C11orf54: variants seen among roughly 807,000 people sequenced by gnomAD.
C11orf54 encodes beta-keto L-gulonate decarboxylase.
In C11orf54, 29 loss-of-function variants were observed where a neutral mutation model predicts 35.5. The ratio of observed to expected loss-of-function variants is 0.82; its 90% CI spans 0.61 to 1.11. C11orf54 has a LOEUF of 1.11. Among genes scored for constraint, C11orf54 ranks in the 50% most tolerant of loss-of-function variants. The probability of loss-of-function intolerance (pLI) is 0.00; values close to 1 mark genes in which losing one functional copy is unlikely to be tolerated. For synonymous variants in C11orf54, 108 were observed against 121.1 expected, an observed-to-expected ratio of 0.89 and a Z score of 0.71; for missense variants, 373 against 369.2, an observed-to-expected ratio of 1.01 and a Z score of -0.08.
At chr11:93,742,905 C>A (rs1481006938) in intron 1 of C11orf54, 1 of 151,928 alleles carries the variant, frequency 6.6e-6, no homozygotes, top group Non-Finnish European at 1.5e-5. Flanking sequence ...GTCCCTTGTT[C>A]AAAAAGAAGG....
rs76565010 is a variant in C11orf54, at chr11:93,749,466, G to A, written c.56-880G>A. ...CATACCACTGCACTCCAGTCTGGGC[G>A]ACAGGGTAGGTAAGGCTATCAGAGT... On this transcript the variant is annotated intron_variant, in intron 2 of 8. Coordinates refer to ENST00000354421, the MANE Select transcript of C11orf54 (RefSeq NM_001286069.2). Among the ~76,000 whole-genome samples the A allele has an allele frequency of 2.3e-3, 291 of 125,646 alleles. 7 individuals are homozygous for A. The East Asian group carries it at 0.062, about 27-fold the overall frequency. The allele number at this position is 125,646 out of a possible 152,430, so 82.4% of individuals were successfully genotyped here. A position where few individuals can be genotyped will look rare whatever the true frequency, so the allele number is the denominator to read the frequency against.
intron 6 of C11orf54, 145 bp downstream of exon 6, chr11:93,755,531 A>G (rs568964048): frequency 2.1e-5 from 17 of 812,878 alleles, no homozygotes; most frequent in East Asian, 1.7e-4. Flanking sequence ...CTTGAGGTCA[A>G]CTTGAGGTCA....
intron 5 of C11orf54, among the ~76,000 whole-genome samples, chr11:93,754,523 ACT>A (rs1943025689): frequency 6.6e-6 from 1 of 152,100 alleles, no homozygotes; most frequent in Non-Finnish European, 1.5e-5. Context: ...TGAAAATATT[ACT>A]GTTTCTTTGA....
At chr11:93,754,972 C>G (rs7117456) in intron 5 of C11orf54, 1 of 325,938 alleles carries the variant, frequency 3.1e-6, no homozygotes, top group African/African-American at 2.2e-5. Context: ...CTCTTGACCT[C>G]GTGATCCGCC....
intron 1 of C11orf54, chr11:93,747,085 C>T (rs936113812): frequency 6.4e-5 from 11 of 172,298 alleles, no homozygotes; most frequent in Non-Finnish European, 9.8e-5. Context: ...CAAGACCAGC[C>T]TGGGCAACAT....
intron 7 of C11orf54, among the ~76,000 whole-genome samples, chr11:93,758,539 G>A (rs1791553472): frequency 6.6e-6 from 1 of 152,224 alleles, no homozygotes; most frequent in Admixed American, 6.5e-5. Context: ...GGAAATGCCT[G>A]CTCCCACTGC....
At position 93,761,734 on chromosome 11, in the gene C11orf54, A is replaced by T; in HGVS notation, c.*46A>T. The T allele has an allele frequency of 6.7e-7, 1 of 1,492,162 alleles. No homozygotes were observed. The highest frequency in any genetic ancestry group is 9.0e-7 in the Non-Finnish European group (1 of 1,105,256). 92.4% of individuals were successfully genotyped at this position (1,492,162 alleles called of 1,614,324 possible). On this transcript the variant is annotated 3_prime_UTR_variant, in exon 9 of 9. Coordinates refer to ENST00000354421, the MANE Select transcript of C11orf54 (RefSeq NM_001286069.2). ...AAAAAGAAATAATTAAGGTTAATTA[A>T]TTGATTGACTTATTAATTAATACTG...
In C11orf54 at chr11:93,750,433, T is replaced by G; in HGVS notation, c.143T>G (p.Phe48Cys). ...CPDLTKEPFT[F>C]PVKGICGKTR... Reference sequence around the variant, plus strand: ...GATTTGACTAAGGAACCCTTTACCTTTCCTGTAAAAGGTAAGCAATTTTTG... The same window carrying G: ...GATTTGACTAAGGAACCCTTTACCTGTCCTGTAAAAGGTAAGCAATTTTTG... The change falls in exon 3 of 9, where the codon TTT becomes TGT. Residue 48 changes from phenylalanine (F) to cysteine (C), a missense_variant. Phe to Cys is a radical substitution (Grantham distance 205). Coordinates refer to ENST00000354421, the MANE Select transcript of C11orf54 (RefSeq NM_001286069.2). 2 of 1,613,026 alleles carry G rather than the reference T, an allele frequency of 1.2e-6. No homozygotes were observed. The highest frequency in any genetic ancestry group is 1.7e-6 in the Non-Finnish European group (2 of 1,179,450).
chr11:93,751,571 A>AT (rs1942830902), intron 3 of C11orf54, among the ~76,000 whole-genome samples: 2 of 151,306 alleles, frequency 1.3e-5, no homozygotes, highest in African/African-American at 4.9e-5. Flanking sequence ...CGCCTGGCTA[A>AT]TTTTTTGTAT....
intron 8 of C11orf54, among the ~76,000 whole-genome samples, chr11:93,760,146 C>G (rs11600142): frequency 6.6e-6 from 1 of 152,092 alleles, no homozygotes; most frequent in Non-Finnish European, 1.5e-5. Flanking sequence ...GGTTTCACCA[C>G]GTTGGTCAGG....
intron 2 of C11orf54, among the ~76,000 whole-genome samples, chr11:93,749,048 G>A (rs1231887910): frequency 1.3e-5 from 2 of 151,368 alleles, no homozygotes; most frequent in Admixed American, 1.3e-4. Context: ...GGAGGCTGAG[G>A]CAGGAGAATG....
chr11:93,743,612 G>A (rs1321191086), intron 1 of C11orf54, among the ~76,000 whole-genome samples: 2 of 152,180 alleles, frequency 1.3e-5, no homozygotes, highest in African/African-American at 4.8e-5. Flanking sequence ...CGGTAGGAGC[G>A]AACTCCATGC....
At chr11:93,747,560 T>TTATCTTACG in intron 2 of C11orf54, 112 bp downstream of exon 2, 1 of 595,868 alleles carries the variant, frequency 1.7e-6, no homozygotes, top group Non-Finnish European at 2.6e-6. Flanking sequence ...TATATCTTAC[T>TTATCTTACG]TATCAAAATA....
At chr11:93,759,037 A>C (rs640382) in intron 7 of C11orf54, among the ~76,000 whole-genome samples, 84,318 of 152,124 alleles carry the variant, frequency 0.55, 24,787 homozygotes, top group Admixed American at 0.69. Context: ...GTGGAAAAAT[A>C]GGAATGCTTT....
rs1157054372 is a variant in C11orf54, at chr11:93,762,276, G to A, written c.*588G>A. On this transcript the variant is annotated 3_prime_UTR_variant, in exon 9 of 9. Coordinates refer to ENST00000354421, the MANE Select transcript of C11orf54 (RefSeq NM_001286069.2). Reference sequence around the variant, plus strand: ...ATTAGAAAAATCAGTGTTATTACCTGCAGGATATTAAAAAACATTTGAAAA... The same window carrying A: ...ATTAGAAAAATCAGTGTTATTACCTACAGGATATTAAAAAACATTTGAAAA... 6.6e-6 allele frequency: 1 copy of A among 152,108 alleles called. No homozygotes were observed. The highest frequency in any genetic ancestry group is 1.5e-5 in the Non-Finnish European group (1 of 68,026). 9.4% of individuals were successfully genotyped at this position (152,108 alleles called of 1,614,324 possible). A position where few individuals can be genotyped will look rare whatever the true frequency, so the allele number is the denominator to read the frequency against.
chr11:93,742,844 G>T (rs987951521), intron 1 of C11orf54: 2 of 152,184 alleles, frequency 1.3e-5, no homozygotes, highest in African/African-American at 4.8e-5. Context: ...GTATTCAGCA[G>T]CAAGCCTAGC....
intron 7 of C11orf54, among the ~76,000 whole-genome samples, chr11:93,758,251 C>T (rs1207205893): frequency 6.6e-6 from 1 of 152,170 alleles, no homozygotes; most frequent in African/African-American, 2.4e-5. Flanking sequence ...TCCGAGTTGG[C>T]GCTGGAGCTC....
chr11:93,744,071 G>A (rs1219017746), intron 1 of C11orf54, among the ~76,000 whole-genome samples: 3 of 152,122 alleles, frequency 2.0e-5, no homozygotes, highest in African/African-American at 4.8e-5. Context: ...AGAATTGGAC[G>A]GGCCTTCATA....
Position 93,761,666 on chromosome 11 carries a change from C to T in C11orf54, c.926C>T (p.Thr309Met), listed in dbSNP as rs552777927. 49 of 1,601,310 alleles carry T rather than the reference C, an allele frequency of 3.1e-5. No homozygotes were observed. The highest frequency in any genetic ancestry group is 1.4e-4 in the East Asian group (6 of 44,336). ...TATCGCATTGATCAACCAAAAGAGA[C>T]GCATTCAATTGGGCGAGATTAAATC... ...FLYRIDQPKE[T>M]HSIGRD Residue 309 changes from threonine (T) to methionine (M), a missense_variant, in exon 9 of 9, where the codon ACG becomes ATG. Physicochemically the swap from Thr to Met is moderately conservative, Grantham distance 81 (BLOSUM62 -1). Coordinates refer to ENST00000354421, the MANE Select transcript of C11orf54 (RefSeq NM_001286069.2).
Sources: allele counts gnomAD v4.1 joint callset (sites outside exome capture counted in the v4.1 genomes callset), GRCh38; gene constraint gnomAD v4.1.1; transcripts MANE v1.5; gene names NCBI Gene and HGNC (gene_info 2026-07-23, HGNC 2026-07-21).